The following NHSL2 variants were observed in gnomAD, a reference collection of about 807,000 sequenced individuals.
NHSL2 encodes NHS-like protein 2.
Under a neutral mutation model 53.4 loss-of-function variants are expected in NHSL2, and 27 were observed. That is an observed-to-expected ratio of 0.51 (90% CI 0.37 to 0.70). The LOEUF (loss-of-function observed/expected upper bound fraction) is 0.70, where lower values mean the gene tolerates loss of function less well. Ranked by LOEUF, NHSL2 falls within the 30% of genes least tolerant of loss-of-function variation. The probability of loss-of-function intolerance (pLI) is 0.00; values close to 1 mark genes in which losing one functional copy is unlikely to be tolerated. For synonymous variants in NHSL2, 408 were observed against 404.1 expected (o/e 1.01, Z -0.12); for missense variants, 892 against 980.1 (o/e 0.91, Z 1.20).
chrX:72,081,865 G>A (rs2041795435), intron 1 of NHSL2, among the ~76,000 whole-genome samples: 1 of 112,367 alleles, frequency 8.9e-6, no homozygotes, highest in African/African-American at 3.2e-5. Flanking sequence ...TTTTAATGGA[G>A]GGACTTGCTT....
intron 1 of NHSL2, chrX:72,129,572 C>T (rs2042262463): frequency 2.9e-6 from 1 of 346,832 alleles, no homozygotes; most frequent in East Asian, 4.4e-5. Flanking sequence ...CTCTCCAGCT[C>T]GTGGCCGGAC....
intron 1 of NHSL2, among the ~76,000 whole-genome samples, chrX:71,931,028 G>C (rs766168482): frequency 8.9e-6 from 1 of 111,945 alleles, no homozygotes. Flanking sequence ...AATGTACAAG[G>C]GTTCCAATTT....
At chrX:72,092,683 G>A (rs1384822993) in intron 1 of NHSL2, among the ~76,000 whole-genome samples, 1 of 111,757 alleles carries the variant, frequency 8.9e-6, no homozygotes, top group East Asian at 2.8e-4. Flanking sequence ...GTGAGTGAGG[G>A]AGGCATGGGG....
intron 1 of NHSL2, among the ~76,000 whole-genome samples, chrX:72,108,784 T>C (rs1259091963): frequency 8.9e-6 from 1 of 111,800 alleles, no homozygotes; most frequent in Non-Finnish European, 1.9e-5. Context: ...GCCGGCACTG[T>C]AGGCAGTGAA....
At chrX:72,030,320 A>G (rs1457274588) in intron 1 of NHSL2, among the ~76,000 whole-genome samples, 2 of 112,550 alleles carry the variant, frequency 1.8e-5, no homozygotes, top group Admixed American at 1.9e-4. Flanking sequence ...ACACTGATCA[A>G]TACCACTGGG....
chrX:72,066,282 G>A (rs1162706842), intron 1 of NHSL2, among the ~76,000 whole-genome samples: 1 of 111,759 alleles, frequency 8.9e-6, no homozygotes, highest in Non-Finnish European at 1.9e-5. Context: ...GCATAAAGAT[G>A]TCTAAAAGCA....
chrX:72,091,346 C>T (rs1371673623), intron 1 of NHSL2, among the ~76,000 whole-genome samples: 1 of 111,128 alleles, frequency 9.0e-6, no homozygotes, highest in East Asian at 2.8e-4. Context: ...CCCAGCTACT[C>T]AGGAGGCTGA....
Position 71,911,241 on chromosome X carries a change from G to T in NHSL2, c.154G>T (p.Glu52Ter). ...DLCGHSLALL[E>*]DLEGHLLALG... is the part of the protein sequence containing the mutation. The stretch of plus-strand genomic sequence containing the variant: ...CTGTGGCCACTCGTTGGCTCTGCTC[G>T]AGGACCTCGAGGGGCACCTGCTGGC... Residue 52 changes from glutamate (E) to a stop codon, truncating the protein, a stop_gained, in exon 1 of 8, where the codon GAG (glutamate) becomes TAG (stop). Transcript: ENST00000633930. LOFTEE classifies it high-confidence loss of function. 1 of 1,147,982 alleles carries T rather than the reference G, an allele frequency of 8.7e-7. No individual in the cohort carries two copies. Among genetic ancestry groups the T allele is most frequent in the Non-Finnish European group, 1.2e-6 (1 of 868,863 alleles). The allele number at this position is 1,147,982 out of a possible 1,213,427, so 94.6% of individuals were successfully genotyped here. A position where few individuals can be genotyped will look rare whatever the true frequency, so the allele number is the denominator to read the frequency against.
chrX:72,113,594 C>A (rs1163186804), intron 1 of NHSL2, among the ~76,000 whole-genome samples: 4 of 112,291 alleles, frequency 3.6e-5, no homozygotes, highest in East Asian at 2.8e-4. Flanking sequence ...GCACCCTCCC[C>A]CAGCAACCGC....
intron 1 of NHSL2, among the ~76,000 whole-genome samples, chrX:71,989,722 T>G (rs1197578621): frequency 8.9e-6 from 1 of 112,665 alleles, no homozygotes; most frequent in Non-Finnish European, 1.9e-5. Context: ...TCACCAATGC[T>G]GCAGCCTCTT....
rs746028256 is a variant in NHSL2, at chrX:72,149,649, C to T, written c.*6075C>T. 1.8e-5 allele frequency: 2 copies of T among 112,222 alleles called. No homozygotes were observed. Among genetic ancestry groups the T allele is most frequent in the African/African-American group, 6.5e-5 (2 of 30,926 alleles). 9.2% of individuals were successfully genotyped at this position (112,222 alleles called of 1,213,427 possible). A position where few individuals can be genotyped will look rare whatever the true frequency, so the allele number is the denominator to read the frequency against. On this transcript the variant is annotated 3_prime_UTR_variant, in exon 8 of 8. Transcript: ENST00000633930. ...CTTCTGATGAATTGTAAATTACAAA[C>T]CTTTTCATTCATTTTTAAATGAGAT...
At chrX:72,014,022 T>C in intron 1 of NHSL2, among the ~76,000 whole-genome samples, 1 of 112,073 alleles carries the variant, frequency 8.9e-6, no homozygotes, top group Non-Finnish European at 1.9e-5. Flanking sequence ...TCAAATCATC[T>C]ATTTCATATT....
In NHSL2 at chrX:72,028,189, A is replaced by G. The variant is rs760368355; in HGVS notation, c.281-103890A>G. Reference sequence around the variant, plus strand: ...TGTGCAGTGGGCCAGGAGCCACTCAAGGTCTTCTTGGGCTTACTTTTTTCA... The same window carrying G: ...TGTGCAGTGGGCCAGGAGCCACTCAGGGTCTTCTTGGGCTTACTTTTTTCA... On this transcript the variant is annotated intron_variant, in intron 1 of 7. Transcript: ENST00000633930. Among the ~76,000 whole-genome samples the G allele has an allele frequency of 8.9e-5, 10 of 112,544 alleles. No homozygotes were observed. In the South Asian group the frequency reaches 3.3e-3, roughly 37 times the overall value.
At chrX:71,924,992 C>G (rs2041677619) in intron 1 of NHSL2, among the ~76,000 whole-genome samples, 1 of 112,258 alleles carries the variant, frequency 8.9e-6, no homozygotes, top group Non-Finnish European at 1.9e-5. Flanking sequence ...ATTCCTTTTT[C>G]TTCAAAATCT....
chrX:72,053,942 C>T (rs979201500), intron 1 of NHSL2, among the ~76,000 whole-genome samples: 8 of 111,794 alleles, frequency 7.2e-5, no homozygotes, highest in African/African-American at 2.6e-4. Context: ...GATAGACACT[C>T]ACAGCGAGCT....
At chrX:72,049,027 G>GGAAGAGGAAGAAGAAGAA (rs2147927896) in intron 1 of NHSL2, among the ~76,000 whole-genome samples, 1 of 84,213 alleles carries the variant, frequency 1.2e-5, no homozygotes, top group South Asian at 5.2e-4. Context: ...AAGAGGAAGA[G>GGAAGAGGAAGAAGAAGAA]GAAGAGGAAG....
chrX:72,024,068 T>C (rs2042173177), intron 1 of NHSL2, among the ~76,000 whole-genome samples: 1 of 111,596 alleles, frequency 9.0e-6, no homozygotes, highest in Non-Finnish European at 1.9e-5. Context: ...CATGTGACCT[T>C]AGGGTCTCTT....
Position 72,140,147 on chromosome X carries a change from A to G in NHSL2, c.2599A>G (p.Thr867Ala). Reference sequence around the variant, plus strand: ...AGTCTTCACCTTGCCAGAGAGAAAGACAAAACCTCCCGTAGCTGAGAAGCC... The same window carrying G: ...AGTCTTCACCTTGCCAGAGAGAAAGGCAAAACCTCCCGTAGCTGAGAAGCC... ...EEVFTLPERK[T>A]KPPVAEKPPV... The change falls in exon 6 of 8, where the codon ACA (threonine) becomes GCA (alanine). Residue 867 changes from threonine to alanine, a missense_variant. Physicochemically the swap from Thr to Ala is moderately conservative, Grantham distance 58 (BLOSUM62 0). Transcript: ENST00000633930. 1 of 1,211,166 alleles carries G rather than the reference A, an allele frequency of 8.3e-7. No homozygotes were observed. The highest frequency in any genetic ancestry group is 1.8e-5 in the South Asian group (1 of 56,865).
At chrX:72,049,009 A>AGAAGAAGAAGAGGAAGAG (rs1556340802) in intron 1 of NHSL2, among the ~76,000 whole-genome samples, 4 of 86,135 alleles carry the variant, frequency 4.6e-5, no homozygotes, top group African/African-American at 9.6e-5. Context: ...AAGAAGAAGA[A>AGAAGAAGAAGAGGAAGAG]GAAGAGGAAG....
Sources: allele counts gnomAD v4.1 joint callset (sites outside exome capture counted in the v4.1 genomes callset), GRCh38; gene constraint gnomAD v4.1.1; transcripts MANE v1.5; gene names NCBI Gene and HGNC (gene_info 2026-07-23, HGNC 2026-07-21).